Variants in DNAJC8 observed in about 807,000 individuals in gnomAD.
DNAJC8 encodes dnaJ homolog subfamily C member 8.
Under a neutral mutation model 43.2 loss-of-function variants are expected in DNAJC8, and 24 were observed. The observed-to-expected ratio is 0.56, with a 90% CI of 0.40 to 0.78. DNAJC8 has a LOEUF of 0.78. Among genes scored for constraint, DNAJC8 ranks in the 30% least tolerant of loss-of-function variants. The probability of loss-of-function intolerance (pLI) is 0.00; values close to 1 mark genes in which losing one functional copy is unlikely to be tolerated. For synonymous variants in DNAJC8, 83 were observed against 98.0 expected, an observed-to-expected ratio of 0.85 and a Z score of 0.90; for missense variants, 207 against 299.4, an observed-to-expected ratio of 0.69 and a Z score of 2.28.
At chr1:28,204,407 C>A (rs1453930398) in intron 7 of DNAJC8, among the ~76,000 whole-genome samples, 2 of 151,940 alleles carry the variant, frequency 1.3e-5, no homozygotes, top group Non-Finnish European at 2.9e-5. Flanking sequence ...ATGGTGAAAC[C>A]CCGTCTCTAC....
At chr1:28,217,440 G>A (rs1646864374) in intron 2 of DNAJC8, among the ~76,000 whole-genome samples, 1 of 152,066 alleles carries the variant, frequency 6.6e-6, no homozygotes, top group Non-Finnish European at 1.5e-5. Flanking sequence ...GGCCAACATG[G>A]AGAAACCCCG....
chr1:28,210,520 G>C, intron 4 of DNAJC8, 51 bp downstream of exon 4: 2 of 1,484,364 alleles, frequency 1.3e-6, no homozygotes, highest in Non-Finnish European at 1.9e-6. Flanking sequence ...GGAACAGTTA[G>C]GCCCTGCCAT....
intron 1 of DNAJC8, 61 bp downstream of exon 1, chr1:28,232,860 A>C (rs1646990231): frequency 1.0e-5 from 16 of 1,577,064 alleles, no homozygotes; most frequent in Non-Finnish European, 1.4e-5. Context: ...GCCTTTGTCC[A>C]CTGGGAAAGC....
chr1:28,205,046 C>T (rs1487760838), intron 7 of DNAJC8, among the ~76,000 whole-genome samples: 3 of 151,980 alleles, frequency 2.0e-5, no homozygotes, highest in African/African-American at 7.2e-5. Flanking sequence ...AAAATACACT[C>T]CCTAAGGACA....
intron 3 of DNAJC8, among the ~76,000 whole-genome samples, chr1:28,212,097 C>T (rs1646814153): frequency 6.9e-6 from 1 of 145,346 alleles, no homozygotes; most frequent in African/African-American, 2.5e-5. Flanking sequence ...TGGAGGCTGC[C>T]GTGAGCCAAG....
chr1:28,200,361 G>A lies in DNAJC8; in HGVS notation c.*887C>T, dbSNP rs975017704. On this transcript the variant is annotated 3_prime_UTR_variant, in exon 9 of 9. Coordinates refer to ENST00000263697, the MANE Select transcript of DNAJC8 (RefSeq NM_014280.3). Reference sequence around the variant, plus strand: ...ATAATAGGATATTGGCAATACCCAAGGAGCACTATGGTAGTTACCTTGTAT... The same window carrying A: ...ATAATAGGATATTGGCAATACCCAAAGAGCACTATGGTAGTTACCTTGTAT... 2.6e-6 allele frequency: 1 copy of A among 391,182 alleles called. No individual in the cohort carries two copies. Among genetic ancestry groups the A allele is most frequent in the Non-Finnish European group, 5.0e-6 (1 of 198,240 alleles). The allele number at this position is 391,182 out of a possible 1,614,324, so 24.2% of individuals were successfully genotyped here.
intron 2 of DNAJC8, 122 bp from the exon 3 acceptor site, chr1:28,215,118 C>T (rs779816075): frequency 3.7e-5 from 24 of 649,942 alleles, no homozygotes; most frequent in Non-Finnish European, 5.5e-5. Flanking sequence ...TGTTCTAGAA[C>T]ACAGGCTGGC....
chr1:28,215,103 C>T (rs1646842054), intron 2 of DNAJC8, 107 bp from the exon 3 acceptor site: 4 of 868,626 alleles, frequency 4.6e-6, no homozygotes, highest in Non-Finnish European at 6.8e-6. Flanking sequence ...TAGAATAGTA[C>T]CCCATGTTCT....
At chr1:28,202,441 G>A (rs1047980567) in intron 8 of DNAJC8, among the ~76,000 whole-genome samples, 4 of 151,740 alleles carry the variant, frequency 2.6e-5, no homozygotes, top group South Asian at 2.1e-4. Context: ...CACCACGCCC[G>A]GCTAATTTTT....
intron 4 of DNAJC8, 95 bp downstream of exon 4, chr1:28,210,475 CA>C (rs1646803229): frequency 2.6e-6 from 3 of 1,134,156 alleles, no homozygotes; most frequent in Non-Finnish European, 3.9e-6. Flanking sequence ...GACCAGAAGA[CA>C]AAACTATAAC....
chr1:28,230,245 C>T (rs1044051157), intron 1 of DNAJC8: 1 of 152,180 alleles, frequency 6.6e-6, no homozygotes, highest in Non-Finnish European at 1.5e-5. Context: ...TATATGCCAT[C>T]TTTATTCCTA....
intron 2 of DNAJC8, among the ~76,000 whole-genome samples, chr1:28,217,126 A>C (rs1237063703): frequency 1.3e-5 from 2 of 151,244 alleles, no homozygotes; most frequent in African/African-American, 4.9e-5. Flanking sequence ...CACTTCTTTA[A>C]ACAAATAATT....
At chr1:28,204,977 C>T (rs1272237488) in intron 7 of DNAJC8, among the ~76,000 whole-genome samples, 5 of 152,096 alleles carry the variant, frequency 3.3e-5, no homozygotes, top group South Asian at 2.1e-4. Context: ...GAGCCAAGAT[C>T]GCACCACTGC....
chr1:28,227,112 T>A (rs1054243510), intron 2 of DNAJC8, among the ~76,000 whole-genome samples: 49 of 135,318 alleles, frequency 3.6e-4, no homozygotes, highest in African/African-American at 1.4e-3. Flanking sequence ...CTCTTTTTTT[T>A]TTTTTTTTTT....
chr1:28,218,086 T>G (rs1646872074), intron 2 of DNAJC8, among the ~76,000 whole-genome samples: 2 of 148,986 alleles, frequency 1.3e-5, no homozygotes, highest in Non-Finnish European at 3.0e-5. Flanking sequence ...GGTCGGATGG[T>G]TTCTATTCTT....
intron 2 of DNAJC8, among the ~76,000 whole-genome samples, chr1:28,226,562 A>G (rs2149024133): frequency 6.6e-6 from 1 of 151,524 alleles, no homozygotes; most frequent in African/African-American, 2.4e-5. Flanking sequence ...AAATGATTAA[A>G]TAAATTATAT....
At chr1:28,228,873 A>G (rs1376324299) in intron 2 of DNAJC8, 49 bp downstream of exon 2, 2 of 1,469,886 alleles carry the variant, frequency 1.4e-6, no homozygotes, top group East Asian at 2.3e-5. Context: ...GCCTGCAGCT[A>G]TGCAAATCTC....
At chr1:28,227,904 T>C (rs1197276622) in intron 2 of DNAJC8, among the ~76,000 whole-genome samples, 1 of 152,204 alleles carries the variant, frequency 6.6e-6, no homozygotes, top group Admixed American at 6.5e-5. Context: ...ACAAATATGA[T>C]TTACTTTTAT....
chr1:28,226,497 T>A (rs1427967478), intron 2 of DNAJC8, among the ~76,000 whole-genome samples: 1 of 148,514 alleles, frequency 6.7e-6, no homozygotes, highest in Admixed American at 6.7e-5. Context: ...AGACTCCATC[T>A]CAAAAAAAAA....
Sources: gnomAD v4.1 joint callset for allele counts (sites outside exome capture counted in the v4.1 genomes callset) on GRCh38, gnomAD v4.1.1 for gene constraint, MANE v1.5 for transcripts, NCBI Gene and HGNC (gene_info 2026-07-23, HGNC 2026-07-21) for gene names.